FUZ: variants seen among roughly 807,000 people sequenced by gnomAD.
FUZ encodes the protein protein fuzzy homolog.
Under a neutral mutation model 43.1 loss-of-function variants are expected in FUZ, and 31 were observed. The ratio of observed to expected loss-of-function variants is 0.72; its 90% CI spans 0.54 to 0.97. The LOEUF is 0.97. FUZ is among the 50% of genes least tolerant of loss of function. The pLI is 0.00. For missense variants in FUZ, 539 were observed against 543.8 expected (o/e 0.99, Z 0.09); for synonymous variants, 274 against 250.0 (o/e 1.10, Z -0.91).
At chr19:49,808,550 G>C in intron 9 of FUZ, 24 bp downstream of exon 9, 1 of 1,596,444 alleles carries the variant, frequency 6.3e-7, no homozygotes. Context: ...TCCTACCCCT[G>C]CCCCTGCCCC....
In FUZ at chr19:49,807,276, C is replaced by T; in HGVS notation, c.1132G>A (p.Val378Met). The T allele has an allele frequency of 6.2e-7, 1 of 1,613,482 alleles. No individual in the cohort carries two copies. The highest frequency in any genetic ancestry group is 8.5e-7 in the Non-Finnish European group (1 of 1,179,912). Residue 378 changes from valine to methionine, a missense_variant, in exon 11 of 11, where the codon GTG (valine) becomes ATG (methionine). By Grantham distance (21) the Val-to-Met change is conservative (BLOSUM62 1). Transcript: ENST00000313777. ...VLGTEEPGTG[V>M]RLVALQLGLR... ...CCCAGCTGCAAGGCCACCAGACGCA[C>T]TCCTGTGCCTGGTTCCTCAGTCCCC... is the stretch of plus-strand genomic sequence containing the variant.
chr19:49,812,272 G>T lies in FUZ; in HGVS notation c.297C>A (p.Leu99=), dbSNP rs754166747. The T allele has an allele frequency of 1.5e-5, 25 of 1,613,664 alleles. No individual in the cohort carries two copies. In the African/African-American group the frequency reaches 2.5e-4, roughly 16 times the overall value. The stretch of plus-strand genomic sequence containing the variant: ...TCACCATGGCTCCAAACACCATTTG[G>T]AGTAGTCTCTCCAGCCTCAGCTCAG... ...GISELRLERL[L]QMVFGAMVLL... is the part of the protein sequence containing the mutation. The change falls in exon 3 of 11, where the codon CTC becomes CTA. Residue 99 remains leucine (L), a synonymous_variant. Transcript: ENST00000313777.
rs1192271717 is a variant in FUZ at position 49,808,554 on chromosome 19, C to T, written c.958+20G>A. 1.3e-6 allele frequency: 2 copies of T among 1,599,630 alleles called. No individual in the cohort carries two copies. Among genetic ancestry groups the T allele is most frequent in the Admixed American group, 3.5e-5 (2 of 57,668 alleles). ...GCCCACGCCCCTCCTACCCCTGCCCCTGCCCCTGTCCTCAGTCACCTTTAT... is the reference window on the plus strand; with the variant it reads ...GCCCACGCCCCTCCTACCCCTGCCCTTGCCCCTGTCCTCAGTCACCTTTAT... On this transcript the variant is annotated intron_variant, in intron 9 of 10. Coordinates refer to ENST00000313777, the MANE Select transcript of FUZ (RefSeq NM_025129.5).
chr19:49,807,153 AAAG>A lies in FUZ; in HGVS notation c.1252_1254del (p.Leu418del), dbSNP rs2073425643. On this transcript the variant is annotated inframe_deletion, in exon 11 of 11. Coordinates refer to ENST00000313777, the MANE Select transcript of FUZ (RefSeq NM_025129.5). ...GTCCATCACCCACTGCTAGGTAGTC[AAAG>A]AAGTGGGGTGAGGGCATGCAGAGTG... is the stretch of plus-strand genomic sequence containing the variant. 1 of 1,612,828 alleles carries A rather than the reference AAAG, an allele frequency of 6.2e-7. No homozygotes were observed. Among genetic ancestry groups the A allele is most frequent in the African/African-American group, 1.3e-5 (1 of 74,668 alleles).
intron 5 of FUZ, chr19:49,811,057 A>T (rs1327764800): frequency 3.3e-5 from 14 of 426,980 alleles, no homozygotes; most frequent in Non-Finnish European, 4.3e-6. Context: ...AAGCTGAGGC[A>T]GGAGAATTAC....
At chr19:49,808,935 A>G (rs2073590907) in intron 7 of FUZ, 112 bp from the exon 8 acceptor site, 2 of 949,246 alleles carry the variant, frequency 2.1e-6, no homozygotes, top group African/African-American at 1.6e-5. Context: ...CGGGGCCTGC[A>G]AGAAGAGTGG....
In FUZ at chr19:49,808,559, C is replaced by G; in HGVS notation, c.958+15G>C. ...CGCCCCTCCTACCCCTGCCCCTGCCCCTGTCCTCAGTCACCTTTATCCCCC... is the reference window on the plus strand; with the variant it reads ...CGCCCCTCCTACCCCTGCCCCTGCCGCTGTCCTCAGTCACCTTTATCCCCC... On this transcript the variant is annotated intron_variant, in intron 9 of 10. Transcript: ENST00000313777. The G allele has an allele frequency of 6.2e-7, 1 of 1,602,642 alleles. No individual in the cohort carries two copies. Among genetic ancestry groups the G allele is most frequent in the Non-Finnish European group, 8.5e-7 (1 of 1,174,812 alleles).
At chr19:49,813,472 A>G, upstream of FUZ, 1 of 384,766 alleles carries the variant, frequency 2.6e-6, no homozygotes, top group Non-Finnish European at 5.0e-6. Flanking sequence ...ACCATCCTGT[A>G]GGCTTTGATG....
At position 49,809,277 on chromosome 19, in the gene FUZ, T is replaced by G. The variant is rs1018389312; in HGVS notation, c.691-19A>C. ...GTGGGACCTGAAGCAGGGCACAGGC[T>G]GGGGCTCATCGCGGCCCGGCCCCTT... On this transcript the variant is annotated intron_variant, in intron 6 of 10. Coordinates refer to ENST00000313777, the MANE Select transcript of FUZ (RefSeq NM_025129.5). This position sits in a 1 kb window ranked among gnomAD's most constrained non-coding sequence, Gnocchi z 5.1. The G allele has an allele frequency of 1.3e-6, 2 of 1,550,132 alleles. No homozygotes were observed. The highest frequency in any genetic ancestry group is 1.7e-6 in the Non-Finnish European group (2 of 1,146,706).
chr19:49,811,134 A>G, intron 5 of FUZ: 1 of 597,510 alleles, frequency 1.7e-6, no homozygotes, highest in Non-Finnish European at 3.0e-6. Context: ...CTGGGCAACA[A>G]GAGTGAAACT....
At chr19:49,808,965 A>T (rs1212080631) in intron 7 of FUZ, 142 bp from the exon 8 acceptor site, 3 of 869,152 alleles carry the variant, frequency 3.5e-6, no homozygotes, top group South Asian at 2.9e-5. Context: ...GGCAGAAGGG[A>T]CTGGGGAAGG....
In FUZ at chr19:49,811,693, G is replaced by A. The variant is rs1464616883; in HGVS notation, c.325C>T (p.Leu109Phe). Reference sequence around the variant, plus strand: ...TTGGTCAGTTCTTCAAGTCCCACAAGAAGGACCTAGAAGAATCATATAGGA... The same window carrying A: ...TTGGTCAGTTCTTCAAGTCCCACAAAAAGGACCTAGAAGAATCATATAGGA... ...LQMVFGAMVL[L>F]VGLEELTNIR... The change falls in exon 4 of 11, where the codon CTT becomes TTT. Residue 109 changes from leucine to phenylalanine, a missense_variant. Coordinates refer to ENST00000313777, the MANE Select transcript of FUZ (RefSeq NM_025129.5). The A allele has an allele frequency of 6.2e-7, 1 of 1,613,610 alleles. No homozygotes were observed. Among genetic ancestry groups the A allele is most frequent in the South Asian group, 1.1e-5 (1 of 91,068 alleles).
At position 49,812,890 on chromosome 19, in the gene FUZ, TC is replaced by T. The variant is rs2073859289; in HGVS notation, c.111+105del. 15 of 1,332,572 alleles carry T rather than the reference TC, an allele frequency of 1.1e-5. 1 individual carries two copies. In the South Asian group the frequency reaches 1.8e-4, roughly 16 times the overall value. 82.5% of individuals were successfully genotyped at this position (1,332,572 alleles called of 1,614,324 possible). A position where few individuals can be genotyped will look rare whatever the true frequency, so the allele number is the denominator to read the frequency against. On this transcript the variant is annotated intron_variant, in intron 1 of 10. Transcript: ENST00000313777. Reference sequence around the variant, plus strand: ...GCTTATTGGTCCATTGCCTCCTCGGTCCTACAAATTCAACACTGAAACTTCC... The same window carrying T: ...GCTTATTGGTCCATTGCCTCCTCGGTCTACAAATTCAACACTGAAACTTCC...
Position 49,809,015 on chromosome 19 carries a change from C to G in FUZ, c.786+148G>C, listed in dbSNP as rs2073601940. The G allele has an allele frequency of 3.2e-6, 3 of 928,878 alleles. No individual in the cohort carries two copies. Among genetic ancestry groups the G allele is most frequent in the South Asian group, 1.4e-5 (1 of 71,160 alleles). The allele number at this position is 928,878 out of a possible 1,614,324, so 57.5% of individuals were successfully genotyped here. A position where few individuals can be genotyped will look rare whatever the true frequency, so the allele number is the denominator to read the frequency against. ...GAATAGAGGCAGAGGCGGGAGCGGC[C>G]GATCTTGGCGGGTAGGTGAATGACT... On this transcript the variant is annotated intron_variant, in intron 7 of 10. Coordinates refer to ENST00000313777, the MANE Select transcript of FUZ (RefSeq NM_025129.5). This position sits in a 1 kb window ranked among gnomAD's most constrained non-coding sequence, Gnocchi z 5.1.
At position 49,809,142 on chromosome 19, in the gene FUZ, C is replaced by G. The variant is rs1250507895; in HGVS notation, c.786+21G>C. ...GTAGCGGGTGTCCTAAGAGCGAAAG[C>G]GGGACGTGGCGCGGGTTCACCTGTG... On this transcript the variant is annotated intron_variant, in intron 7 of 10. Transcript: ENST00000313777. This position sits in a 1 kb window ranked among gnomAD's most constrained non-coding sequence, Gnocchi z 5.1. 2.6e-6 allele frequency: 4 copies of G among 1,548,600 alleles called. No homozygotes were observed. Among genetic ancestry groups the G allele is most frequent in the Non-Finnish European group, 2.6e-6 (3 of 1,145,276 alleles).
chr19:49,807,020 T>TTGC lies in FUZ; in HGVS notation c.*130_*131insGCA. On this transcript the variant is annotated 3_prime_UTR_variant, in exon 11 of 11. Coordinates refer to ENST00000313777, the MANE Select transcript of FUZ (RefSeq NM_025129.5). ...AGGGGCCAGGGAAGTGGATGTCTCCTCCCCTCCCACCCCACCCTGTTGTAG... is the reference window on the plus strand; with the variant it reads ...AGGGGCCAGGGAAGTGGATGTCTCCTTGCCCCCTCCCACCCCACCCTGTTGTAG... 7.5e-7 allele frequency: 1 copy of TTGC among 1,338,572 alleles called. No individual in the cohort carries two copies. The highest frequency in any genetic ancestry group is 1.0e-6 in the Non-Finnish European group (1 of 996,934). The allele number at this position is 1,338,572 out of a possible 1,614,324, so 82.9% of individuals were successfully genotyped here.
Position 49,808,746 on chromosome 19 carries a change from A to T in FUZ, c.864T>A (p.Ser288Arg), listed in dbSNP as rs1446375120. ...CLPLGPRALPSGFPLHTDILG... is the reference protein window; with the variant it reads ...CLPLGPRALPRGFPLHTDILG... ...GGATGTCTGTGTGAAGGGGGAAGCC[A>T]CTGGGCAGCGCCCGGGGTCCCAACG... The change falls in exon 8 of 11, where the codon AGT (serine) becomes AGA (arginine). Residue 288 changes from serine to arginine, a missense_variant. Transcript: ENST00000313777. 6.3e-7 allele frequency: 1 copy of T among 1,583,650 alleles called. No homozygotes were observed. Among genetic ancestry groups the T allele is most frequent in the South Asian group, 1.1e-5 (1 of 87,330 alleles).
intron 3 of FUZ, 128 bp from the exon 4 acceptor site, chr19:49,811,827 G>A: frequency 1.2e-6 from 1 of 845,570 alleles, no homozygotes; most frequent in African/African-American, 1.7e-5. Context: ...CTGGGTTCTG[G>A]CCGGGCGCGG....
In FUZ at chr19:49,812,634, A is replaced by T. The variant is rs757143629; in HGVS notation, c.214T>A (p.Trp72Arg). The change falls in exon 2 of 11, where the codon TGG becomes AGG. Residue 72 changes from tryptophan (W) to arginine (R), a missense_variant. Trp to Arg is a moderately radical substitution (Grantham distance 101). Coordinates refer to ENST00000313777, the MANE Select transcript of FUZ (RefSeq NM_025129.5). ...GGGGACCTGTCATGGAAGCTTTTCC[A>T]CACCACAGTCGTGTTCTCGGTCCTC... ...SARTENTTVV[W>R]KSFHDSITLI... The T allele has an allele frequency of 6.2e-7, 1 of 1,614,058 alleles. No homozygotes were observed. Among genetic ancestry groups the T allele is most frequent in the Non-Finnish European group, 8.5e-7 (1 of 1,180,014 alleles).
Sources: gnomAD v4.1 joint callset for allele counts on GRCh38, gnomAD v4.1.1 for gene constraint, Gnocchi (gnomAD v3.1) non-coding constraint, MANE v1.5 for transcripts, NCBI Gene and HGNC (gene_info 2026-07-23, HGNC 2026-07-21) for gene names.